The following C12orf42 variants were observed in gnomAD, a reference collection of about 807,000 sequenced individuals.
C12orf42 encodes the protein chromosome 12 open reading frame 42, also known as uncharacterized protein C12orf42.
A neutral mutation model predicts 21.6 loss-of-function variants in C12orf42; 25 were observed. The ratio of observed to expected loss-of-function variants is 1.16; its 90% CI spans 0.84 to 1.62. The LOEUF is 1.62. C12orf42 is among the 40% of genes most tolerant of loss of function. The probability of loss-of-function intolerance (pLI) is 0.00; values close to 1 mark genes in which losing one functional copy is unlikely to be tolerated. For missense variants in C12orf42, 483 were observed against 459.3 expected (o/e 1.05, Z -0.47); for synonymous variants, 174 against 175.0 (o/e 0.99, Z 0.05).
At chr12:103,497,815 A>G (rs1430412177), upstream of C12orf42, among the ~76,000 whole-genome samples, 1 of 152,178 alleles carries the variant, frequency 6.6e-6, no homozygotes, top group Non-Finnish European at 1.5e-5. Flanking sequence ...GCGGATCACT[A>G]GGTCTGGAGA....
At chr12:103,118,529 T>G in the C12orf42 span, among the ~76,000 whole-genome samples, 84,170 of 151,136 alleles carry the variant, frequency 0.56, 24,400 homozygotes, top group East Asian at 0.76. Flanking sequence ...CTGGGCGCGG[T>G]GGCTCATGCC....
the C12orf42 span, among the ~76,000 whole-genome samples, chr12:103,167,578 T>G: frequency 2.6e-5 from 4 of 152,172 alleles, no homozygotes; most frequent in Non-Finnish European, 4.4e-5. Flanking sequence ...TTCAACCCAG[T>G]GGATTTTTTT....
At chr12:103,142,079 T>C in the C12orf42 span, among the ~76,000 whole-genome samples, 79 of 152,328 alleles carry the variant, frequency 5.2e-4, no homozygotes, top group African/African-American at 1.8e-3. Flanking sequence ...GTTTTCCTTT[T>C]ACATGACATT....
chr12:103,131,193 A>G, the C12orf42 span, among the ~76,000 whole-genome samples: 1 of 152,214 alleles, frequency 6.6e-6, no homozygotes. Flanking sequence ...CTATTACAAG[A>G]GAAGACTAAA....
chr12:103,378,776 A>T (rs2045918136), intron 3 of C12orf42: 1 of 152,212 alleles, frequency 6.6e-6, no homozygotes, highest in South Asian at 2.1e-4. Context: ...CACCTCCCTA[A>T]GCTTCAATAG....
chr12:103,544,645 T>A, the C12orf42 span, among the ~76,000 whole-genome samples: 1 of 152,194 alleles, frequency 6.6e-6, no homozygotes, highest in Non-Finnish European at 1.5e-5. Flanking sequence ...TATGAAACCA[T>A]CTCAGTCTAT....
chr12:103,258,186 C>T (rs1442387411), intron 10 of C12orf42, among the ~76,000 whole-genome samples: 1 of 152,036 alleles, frequency 6.6e-6, no homozygotes, highest in Non-Finnish European at 1.5e-5. Flanking sequence ...CCAGTGAGCC[C>T]TTCCTGAGGA....
chr12:103,537,884 T>C, the C12orf42 span, among the ~76,000 whole-genome samples: 1 of 152,246 alleles, frequency 6.6e-6, no homozygotes, highest in Non-Finnish European at 1.5e-5. Context: ...TCCGGTTAAT[T>C]AAGCATGAGG....
At chr12:103,133,435 T>A in the C12orf42 span, among the ~76,000 whole-genome samples, 1 of 152,160 alleles carries the variant, frequency 6.6e-6, no homozygotes, top group Non-Finnish European at 1.5e-5. Context: ...TGCCAACTTA[T>A]GAAACCTGTT....
intron 4 of C12orf42, among the ~76,000 whole-genome samples, chr12:103,322,612 T>G (rs1023939901): frequency 2.0e-5 from 3 of 152,146 alleles, no homozygotes; most frequent in Admixed American, 6.5e-5. Context: ...CTTCCCTTTT[T>G]GGCCAGCGTA....
At chr12:103,350,912 T>G (rs1278267814) in intron 4 of C12orf42, among the ~76,000 whole-genome samples, 3 of 152,180 alleles carry the variant, frequency 2.0e-5, no homozygotes, top group African/African-American at 7.2e-5. Context: ...TAAAAATTAC[T>G]GAGACTTTTT....
chr12:103,486,434 C>CT (rs531493041), intron 1 of C12orf42, among the ~76,000 whole-genome samples: 1,877 of 147,218 alleles, frequency 0.013, 24 homozygotes, highest in African/African-American at 0.04. Flanking sequence ...CTAAAATTCT[C>CT]TTTTTTTTTT....
At chr12:103,471,152 G>A (rs189339092) in intron 2 of C12orf42, among the ~76,000 whole-genome samples, 1 of 152,252 alleles carries the variant, frequency 6.6e-6, no homozygotes, top group Non-Finnish European at 1.5e-5. Flanking sequence ...GGCTACCAGT[G>A]TCCCCATCAT....
the C12orf42 span, among the ~76,000 whole-genome samples, chr12:103,102,246 G>C: frequency 1.3e-5 from 2 of 152,140 alleles, no homozygotes; most frequent in Non-Finnish European, 2.9e-5. Flanking sequence ...CCTCACCTTT[G>C]TTTTCTCTAA....
At chr12:103,395,602 T>TG (rs1451254024) in intron 3 of C12orf42, among the ~76,000 whole-genome samples, 1 of 152,212 alleles carries the variant, frequency 6.6e-6, no homozygotes, top group Non-Finnish European at 1.5e-5. Context: ...CCCAAAGAGC[T>TG]GGGATTACAG....
At chr12:103,063,359 C>A in the C12orf42 span, among the ~76,000 whole-genome samples, 1 of 152,152 alleles carries the variant, frequency 6.6e-6, no homozygotes, top group Non-Finnish European at 1.5e-5. Flanking sequence ...TGCATGCACA[C>A]CCTCACCAGG....
intron 3 of C12orf42, among the ~76,000 whole-genome samples, chr12:103,394,638 AAC>A (rs2047360901): frequency 1.3e-5 from 2 of 152,228 alleles, no homozygotes; most frequent in Non-Finnish European, 2.9e-5. Flanking sequence ...CACAAATACT[AAC>A]GATTGTTTCC....
At chr12:103,525,758 G>T in the C12orf42 span, among the ~76,000 whole-genome samples, 2 of 152,112 alleles carry the variant, frequency 1.3e-5, no homozygotes, top group South Asian at 2.1e-4. Context: ...GGCCAGGCGC[G>T]GTGGCTCACG....
chr12:103,312,650 T>C (rs1193169464), intron 4 of C12orf42, among the ~76,000 whole-genome samples: 1 of 152,290 alleles, frequency 6.6e-6, no homozygotes, highest in African/African-American at 2.4e-5. Context: ...GCTTTTTTGG[T>C]GTTTTGGTTG....
Sources: gnomAD v4.1 joint callset for allele counts (sites outside exome capture counted in the v4.1 genomes callset) on GRCh38, gnomAD v4.1.1 for gene constraint, MANE v1.5 for transcripts, NCBI Gene and HGNC (gene_info 2026-07-23, HGNC 2026-07-21) for gene names.